Variants in TJP1 observed in about 807,000 individuals in gnomAD.
TJP1 encodes the protein tight junction protein 1.
In TJP1, 43 loss-of-function variants were observed where a neutral mutation model predicts 194.2. The ratio of observed to expected loss-of-function variants is 0.22; its 90% CI spans 0.17 to 0.29. The LOEUF (loss-of-function observed/expected upper bound fraction) is 0.29. Ranked by LOEUF, TJP1 falls within the 10% of genes least tolerant of loss-of-function variation. TJP1 has a pLI of 1.00. For synonymous variants in TJP1, 801 were observed against 779.0 expected, an observed-to-expected ratio of 1.03 and a Z score of -0.47; for missense variants, 1,971 against 2,185.7, an observed-to-expected ratio of 0.90 and a Z score of 1.96.
intron 2 of TJP1, among the ~76,000 whole-genome samples, chr15:29,894,621 C>T (rs753000230): frequency 1.3e-5 from 2 of 152,192 alleles, no homozygotes; most frequent in Non-Finnish European, 2.9e-5. Context: ...ACACCTATTG[C>T]GAGCTGTAGT....
chr15:29,732,941 A>G, intron 13 of TJP1, 126 bp from the exon 14 acceptor site: 1 of 1,243,862 alleles, frequency 8.0e-7, no homozygotes, highest in East Asian at 2.5e-5. Flanking sequence ...TAATGGTTAT[A>G]ATAAAGAGGA....
At chr15:29,797,711 T>C (rs1442672192) in intron 2 of TJP1, among the ~76,000 whole-genome samples, 1 of 151,860 alleles carries the variant, frequency 6.6e-6, no homozygotes, top group African/African-American at 2.4e-5. Flanking sequence ...AACTGGTTAA[T>C]ATCCAAAATA....
chr15:29,928,286 T>C (rs772375103), intron 2 of TJP1, among the ~76,000 whole-genome samples: 1 of 152,216 alleles, frequency 6.6e-6, no homozygotes, highest in African/African-American at 2.4e-5. Context: ...AGAGGCTCAA[T>C]ATCATTAGTA....
chr15:29,765,932 C>A (rs1259044871), intron 5 of TJP1, among the ~76,000 whole-genome samples: 3 of 152,148 alleles, frequency 2.0e-5, no homozygotes, highest in African/African-American at 7.2e-5. Flanking sequence ...CCCAAGATTT[C>A]TCTCCATGAT....
In TJP1 at chr15:29,700,206, G is replaced by A. The variant is rs567164813; in HGVS notation, c.*1389C>T. The A allele has an allele frequency of 4.8e-5, 19 of 398,688 alleles. No individual in the cohort carries two copies. Among genetic ancestry groups the A allele is most frequent in the Admixed American group, 4.4e-4 (10 of 22,722 alleles). The allele number at this position is 398,688 out of a possible 1,614,324, so 24.7% of individuals were successfully genotyped here. ...TTAGAAATTTGAGATTTTTAATAAC[G>A]GCAAAAGAAATTCAGTCACACCTAA... is the stretch of plus-strand genomic sequence containing the variant. On this transcript the variant is annotated 3_prime_UTR_variant, in exon 28 of 28. Transcript: ENST00000614355.
At chr15:29,703,393 G>A (rs1054310811) in intron 27 of TJP1, among the ~76,000 whole-genome samples, 2 of 151,904 alleles carry the variant, frequency 1.3e-5, no homozygotes, top group African/African-American at 2.4e-5. Flanking sequence ...AGCTGAGATC[G>A]TGCCACCGCA....
At chr15:29,790,196 G>A (rs1409938623) in intron 2 of TJP1, among the ~76,000 whole-genome samples, 3 of 152,098 alleles carry the variant, frequency 2.0e-5, no homozygotes, top group African/African-American at 7.2e-5. Context: ...TTACTATCTG[G>A]CTCTTTATAT....
Position 29,701,513 on chromosome 15 carries a change from A to T in TJP1, c.*82T>A. ...CAAACTGTAGTATCAACTCTAAAAA[A>T]GGTATAATACTTGATAGAGTGGTTC... On this transcript the variant is annotated 3_prime_UTR_variant, in exon 28 of 28. Coordinates refer to ENST00000614355, the MANE Select transcript of TJP1 (RefSeq NM_001330239.4). The T allele has an allele frequency of 8.8e-7, 1 of 1,136,572 alleles. No individual in the cohort carries two copies. The highest frequency in any genetic ancestry group is 2.5e-5 in the East Asian group (1 of 40,748). 70.4% of individuals were successfully genotyped at this position (1,136,572 alleles called of 1,614,324 possible). A position where few individuals can be genotyped will look rare whatever the true frequency, so the allele number is the denominator to read the frequency against.
Position 29,719,982 on chromosome 15 carries a change from G to T in TJP1, c.2798C>A (p.Ser933Ter). The T allele has an allele frequency of 2.5e-6, 4 of 1,613,894 alleles. No homozygotes were observed. The highest frequency in any genetic ancestry group is 1.3e-5 in the African/African-American group (1 of 74,906). Residue 933 changes from serine to a stop codon, truncating the protein, a stop_gained, in exon 20 of 28, where the codon TCG becomes TAG. Coordinates refer to ENST00000614355, the MANE Select transcript of TJP1 (RefSeq NM_001330239.4). LOFTEE classifies it high-confidence loss of function. ...AEASSPVPYL[S>*]PETNPASSTS... ...TGATGATGCTGGGTTTGTTTCAGGC[G>T]AAAGGTAAGGGACTGGAGATGAAGC...
chr15:29,829,342 A>G (rs904374346), intron 2 of TJP1, among the ~76,000 whole-genome samples: 9 of 152,120 alleles, frequency 5.9e-5, no homozygotes, highest in Admixed American at 2.0e-4. Context: ...TGTGAAAACT[A>G]TTTTGGACAT....
intron 2 of TJP1, among the ~76,000 whole-genome samples, chr15:29,934,971 T>C (rs960412607): frequency 6.6e-6 from 1 of 152,190 alleles, no homozygotes; most frequent in African/African-American, 2.4e-5. Flanking sequence ...GTCTTTAAGG[T>C]AATAACAAAG....
At chr15:29,806,409 G>C (rs775675516) in intron 1 of TJP1, among the ~76,000 whole-genome samples, 14 of 152,076 alleles carry the variant, frequency 9.2e-5, no homozygotes, top group African/African-American at 3.4e-4. Context: ...TCATTTATCT[G>C]ACATCATAAA....
intron 2 of TJP1, among the ~76,000 whole-genome samples, chr15:29,840,498 C>A (rs1355360605): frequency 5.3e-5 from 8 of 152,188 alleles, no homozygotes; most frequent in Non-Finnish European, 1.2e-4. Flanking sequence ...TGACGGAAGA[C>A]AGGCTCGGCA....
intron 17 of TJP1, 97 bp downstream of exon 17, chr15:29,726,684 C>A (rs1566905484): frequency 3.1e-6 from 4 of 1,280,184 alleles, no homozygotes; most frequent in South Asian, 1.4e-5. Flanking sequence ...AAGAAAGTAT[C>A]ATGTAAGTTT....
At chr15:29,758,246 C>A (rs2045774938) in intron 8 of TJP1, among the ~76,000 whole-genome samples, 1 of 151,882 alleles carries the variant, frequency 6.6e-6, no homozygotes, top group South Asian at 2.1e-4. Context: ...AGGTTTTGGT[C>A]CCCCCTAAAC....
intron 1 of TJP1, among the ~76,000 whole-genome samples, chr15:29,811,370 GA>G (rs545067638): frequency 4.7e-5 from 7 of 150,238 alleles, no homozygotes; most frequent in Admixed American, 3.3e-4. Flanking sequence ...GTAAGGGGAA[GA>G]GGGGGGTATG....
intron 2 of TJP1, among the ~76,000 whole-genome samples, chr15:29,953,444 AAAG>A: frequency 6.6e-6 from 1 of 152,174 alleles, no homozygotes; most frequent in Middle Eastern, 3.4e-3. Context: ...GCCTGGCCAA[AAAG>A]ACAGAATTTT....
At chr15:29,730,481 T>C (rs2043556070) in intron 15 of TJP1, among the ~76,000 whole-genome samples, 1 of 151,728 alleles carries the variant, frequency 6.6e-6, no homozygotes, top group African/African-American at 2.4e-5. Context: ...CCTGTAGTCC[T>C]AGCTGCTTGG....
intron 2 of TJP1, among the ~76,000 whole-genome samples, chr15:29,870,137 T>A (rs2152116709): frequency 6.6e-6 from 1 of 150,630 alleles, no homozygotes; most frequent in African/African-American, 2.4e-5. Context: ...ACTGTGCCTG[T>A]CCCTTTCCTC....
Sources: allele counts gnomAD v4.1 joint callset (sites outside exome capture counted in the v4.1 genomes callset), GRCh38; gene constraint gnomAD v4.1.1; transcripts MANE v1.5; gene names NCBI Gene and HGNC (gene_info 2026-07-23, HGNC 2026-07-21).